Variants in NUAK2 observed in about 807,000 individuals in gnomAD.
The protein encoded by NUAK2 is NUAK family kinase 2.
NUAK2 carries 20 observed loss-of-function variants against 29.8 expected under a neutral mutation model. That is an observed-to-expected ratio of 0.67 (90% confidence interval 0.47 to 0.98). NUAK2 has a LOEUF of 0.98. Ranked by LOEUF, NUAK2 falls within the 50% of genes least tolerant of loss-of-function variation. NUAK2 has a pLI of 0.00. For missense variants in NUAK2, 719 were observed against 834.5 expected, an observed-to-expected ratio of 0.86 and a Z score of 1.71; for synonymous variants, 331 against 342.6, an observed-to-expected ratio of 0.97 and a Z score of 0.37.
chr1:205,320,080 G>T (rs985157560), intron 1 of NUAK2, among the ~76,000 whole-genome samples: 1 of 152,170 alleles, frequency 6.6e-6, no homozygotes, highest in Non-Finnish European at 1.5e-5. Flanking sequence ...ATTACTCTGG[G>T]TGTGGAACCA....
rs539524885 is a variant in NUAK2 at position 205,304,240 on chromosome 1, G to T, written c.1097C>A (p.Pro366His). The change falls in exon 7 of 7, where the codon CCT becomes CAT. Residue 366 changes from proline to histidine, a missense_variant. Around this residue, in one of 3 missense-constraint regions of NUAK2, gnomAD observed 430 missense variants for 465.7 expected, o/e 0.92. Transcript: ENST00000367157. The surrounding 1 kb of genome is among the most constrained non-coding windows in gnomAD (Gnocchi z 6.5). ...QHAPGGGSTT[P>H]GLERQHSLKK... is the part of the protein sequence containing the mutation. ...GAGCGAATGCTGGCGCTCCAGGCCA[G>T]GGGTGGTGCTTCCCCCACCAGGTGC... 13 of 1,614,174 alleles carry T rather than the reference G, an allele frequency of 8.1e-6. No individual in the cohort carries two copies. The South Asian group carries it at 9.9e-5, about 12-fold the overall frequency.
chr1:205,321,611 G>GA lies in NUAK2; in HGVS notation c.17dup (p.Ala7ArgfsTer85). On this transcript the variant is annotated frameshift_variant, in exon 1 of 7. Transcript: ENST00000367157. LOFTEE classifies it high-confidence loss of function. Reference sequence around the variant, plus strand: ...AGGGAGTGGGGCCGGAGCGCCGCGCGAAAACCAGCGACTCCATGGCGAGCA... The same window carrying GA: ...AGGGAGTGGGGCCGGAGCGCCGCGCGAAAAACCAGCGACTCCATGGCGAGCA... 2 of 1,609,462 alleles carry GA rather than the reference G, an allele frequency of 1.2e-6. No homozygotes were observed. Among genetic ancestry groups the GA allele is most frequent in the African/African-American group, 1.3e-5 (1 of 75,010 alleles).
At chr1:205,310,735 A>G (rs544301876) in intron 2 of NUAK2, among the ~76,000 whole-genome samples, 4 of 152,142 alleles carry the variant, frequency 2.6e-5, no homozygotes, top group Non-Finnish European at 5.9e-5. Context: ...GGCTTAACCA[A>G]TACTTTGTTG....
intron 1 of NUAK2, among the ~76,000 whole-genome samples, chr1:205,313,326 A>G (rs1454720882): frequency 2.0e-5 from 3 of 152,076 alleles, no homozygotes. Flanking sequence ...AAACAACTCA[A>G]CAGTTGCTTG....
chr1:205,314,517 C>T (rs748326535), intron 1 of NUAK2, among the ~76,000 whole-genome samples: 4 of 152,222 alleles, frequency 2.6e-5, no homozygotes, highest in Admixed American at 1.3e-4. Context: ...CCTCCTTTAA[C>T]TAGGAGGTAC....
Position 205,303,621 on chromosome 1 carries a change from C to T in NUAK2, c.1716G>A (p.Val572=). The change falls in exon 7 of 7, where the codon GTG becomes GTA. Residue 572 remains valine (V), a synonymous_variant. Coordinates refer to ENST00000367157, the MANE Select transcript of NUAK2 (RefSeq NM_030952.3). ...CAAGCCCCGTGAGGTTGTCCACAGA[C>T]ACACAGCCCCGCAGTGGGGGCTCTG... The part of the protein sequence containing the change: ...RLPEPPLRGC[V]SVDNLTGLEE... The T allele has an allele frequency of 6.2e-7, 1 of 1,606,408 alleles. No homozygotes were observed.
chr1:205,305,081 C>T, intron 6 of NUAK2, 118 bp downstream of exon 6: 1 of 1,340,562 alleles, frequency 7.5e-7, no homozygotes, highest in South Asian at 1.4e-5. Context: ...CCCTAACCTA[C>T]CATGGGCCAT....
rs200627742 is a variant in NUAK2, at chr1:205,304,408, C to T, written c.929G>A (p.Arg310Gln). 25 of 1,600,582 alleles carry T rather than the reference C, an allele frequency of 1.6e-5. No homozygotes were observed. Among genetic ancestry groups the T allele is most frequent in the Middle Eastern group, 1.7e-4 (1 of 5,932 alleles). Residue 310 changes from arginine to glutamine, a missense_variant, in exon 7 of 7, where the codon CGA (arginine) becomes CAA (glutamine). By Grantham distance (43) the Arg-to-Gln change is conservative. Around this residue, in one of 3 missense-constraint regions of NUAK2, gnomAD observed 430 missense variants for 465.7 expected, o/e 0.92. Coordinates refer to ENST00000367157, the MANE Select transcript of NUAK2 (RefSeq NM_030952.3). This position sits in a 1 kb window ranked among gnomAD's most constrained non-coding sequence, Gnocchi z 6.5. ...HWWVNWGYAT[R>Q]VGEQEAPHEG... ...ATGCGGAGCCTCCTGCTCTCCCACTCGGGTGGCGTAGCCCCAGTTGACCCA... is the reference window on the plus strand; with the variant it reads ...ATGCGGAGCCTCCTGCTCTCCCACTTGGGTGGCGTAGCCCCAGTTGACCCA...
At chr1:205,315,632 G>C (rs1017539247) in intron 1 of NUAK2, among the ~76,000 whole-genome samples, 1 of 152,142 alleles carries the variant, frequency 6.6e-6, no homozygotes, top group African/African-American at 2.4e-5. Flanking sequence ...CAGCACTTTG[G>C]GAGACCGAGG....
Position 205,308,079 on chromosome 1 carries a change from C to G in NUAK2, c.570+86G>C, listed in dbSNP as rs758615418. On this transcript the variant is annotated intron_variant, in intron 4 of 6. Transcript: ENST00000367157. The surrounding 1 kb of genome is among the most constrained non-coding windows in gnomAD (Gnocchi z 4.1). ...TTGCTCAGCTCCTTCAGGAATCCAC[C>G]AAGAGCTTAGAGCTACTTGGCTGGG... is the stretch of plus-strand genomic sequence containing the variant. The G allele has an allele frequency of 5.4e-5, 48 of 893,364 alleles. No homozygotes were observed. Among genetic ancestry groups the G allele is most frequent in the Non-Finnish European group, 8.2e-5 (45 of 550,416 alleles). 55.3% of individuals were successfully genotyped at this position (893,364 alleles called of 1,614,324 possible).
In NUAK2 at chr1:205,308,332, G is replaced by C; in HGVS notation, c.505-102C>G. 2.2e-6 allele frequency: 2 copies of C among 922,590 alleles called. No homozygotes were observed. The highest frequency in any genetic ancestry group is 3.2e-5 in the South Asian group (2 of 61,716). The allele number at this position is 922,590 out of a possible 1,614,324, so 57.2% of individuals were successfully genotyped here. A position where few individuals can be genotyped will look rare whatever the true frequency, so the allele number is the denominator to read the frequency against. ...GGTAAACACAAAGGGAGCCAAGTGG[G>C]CTTGAGCACAGGTAGGCTGGGAATG... On this transcript the variant is annotated intron_variant, in intron 3 of 6. Transcript: ENST00000367157. The surrounding 1 kb of genome is among the most constrained non-coding windows in gnomAD (Gnocchi z 4.1).
chr1:205,320,219 C>T (rs1240917968), intron 1 of NUAK2, among the ~76,000 whole-genome samples: 1 of 152,000 alleles, frequency 6.6e-6, no homozygotes, highest in East Asian at 1.9e-4. Flanking sequence ...CTGCCCTTTC[C>T]AGAAATTCTC....
intron 1 of NUAK2, among the ~76,000 whole-genome samples, chr1:205,318,311 C>A (rs1442254526): frequency 6.6e-6 from 1 of 152,138 alleles, no homozygotes. Flanking sequence ...GGAAAGACAG[C>A]GGGAGCTAAC....
In NUAK2 at chr1:205,304,385, G is replaced by A; in HGVS notation, c.952C>T (p.His318Tyr). Residue 318 changes from histidine (H) to tyrosine (Y), a missense_variant, in exon 7 of 7, where the codon CAT becomes TAT. Coordinates refer to ENST00000367157, the MANE Select transcript of NUAK2 (RefSeq NM_030952.3). The surrounding 1 kb of genome is among the most constrained non-coding windows in gnomAD (Gnocchi z 6.5). ...ATRVGEQEAP[H>Y]EGGHPGSDSA... ...TCACTGCCAGGGTGCCCACCCTCAT[G>A]CGGAGCCTCCTGCTCTCCCACTCGG... The A allele has an allele frequency of 1.2e-6, 2 of 1,608,768 alleles. No individual in the cohort carries two copies. Among genetic ancestry groups the A allele is most frequent in the Non-Finnish European group, 1.7e-6 (2 of 1,176,964 alleles).
intron 1 of NUAK2, among the ~76,000 whole-genome samples, chr1:205,320,580 T>C (rs1662399832): frequency 6.6e-6 from 1 of 152,244 alleles, no homozygotes; most frequent in South Asian, 2.1e-4. Context: ...CCGCAAGTTC[T>C]ATGTGTTAGG....
chr1:205,308,863 G>T lies in NUAK2; in HGVS notation c.353-131C>A. The T allele has an allele frequency of 1.0e-6, 1 of 989,800 alleles. No individual in the cohort carries two copies. The highest frequency in any genetic ancestry group is 1.5e-6 in the Non-Finnish European group (1 of 675,616). 61.3% of individuals were successfully genotyped at this position (989,800 alleles called of 1,614,324 possible). ...CCCCTCCAGGAATATCTGCTAATGG[G>T]GCTATACGGTGGCAAATAAGGGCAG... is the stretch of plus-strand genomic sequence containing the variant. On this transcript the variant is annotated intron_variant, in intron 2 of 6. Transcript: ENST00000367157. This position sits in a 1 kb window ranked among gnomAD's most constrained non-coding sequence, Gnocchi z 4.1.
chr1:205,311,650 C>T, intron 2 of NUAK2, 55 bp downstream of exon 2: 2 of 1,597,926 alleles, frequency 1.3e-6, no homozygotes, highest in East Asian at 2.2e-5. Flanking sequence ...CGCATGTGAA[C>T]ACACACATGC....
intron 1 of NUAK2, 108 bp downstream of exon 1, chr1:205,321,290 G>A (rs1418045841): frequency 6.1e-6 from 6 of 979,342 alleles, no homozygotes; most frequent in African/African-American, 5.0e-5. Context: ...TAAAGACCAC[G>A]CTGGCCTCTC....
chr1:205,321,474 C>T lies in NUAK2; in HGVS notation c.155G>A (p.Arg52His), dbSNP rs769068244. The stretch of plus-strand genomic sequence containing the variant: ...GCCCAGGGTCTCCAGGAACTCGTAG[C>T]GGTGCCGCAGGTTGTGCTTGTGGTG... Reference protein sequence around the residue: ...RHHHKHNLRHRYEFLETLGKG... With the variant: ...RHHHKHNLRHHYEFLETLGKG... Residue 52 changes from arginine to histidine, a missense_variant, in exon 1 of 7, where the codon CGC becomes CAC. By Grantham distance (29) the Arg-to-His change is conservative (BLOSUM62 0). Around this residue, in one of 3 missense-constraint regions of NUAK2, gnomAD observed 283 missense variants for 345.6 expected, o/e 0.82. Transcript: ENST00000367157. 2 of 1,614,022 alleles carry T rather than the reference C, an allele frequency of 1.2e-6. No homozygotes were observed. The highest frequency in any genetic ancestry group is 1.7e-6 in the Non-Finnish European group (2 of 1,179,910).
Sources: gnomAD v4.1 joint callset for allele counts (sites outside exome capture counted in the v4.1 genomes callset) on GRCh38, gnomAD v4.1.1 for gene constraint, gnomAD v4.1.1 regional missense constraint, Gnocchi (gnomAD v3.1) non-coding constraint, MANE v1.5 for transcripts, NCBI Gene and HGNC (gene_info 2026-07-23, HGNC 2026-07-21) for gene names.